LPGAT1: variants seen among roughly 807,000 people sequenced by gnomAD.
LPGAT1 encodes the protein lysophosphatidylglycerol acyltransferase 1.
LPGAT1 carries 11 observed loss-of-function variants against 47.5 expected under a neutral mutation model. The ratio of observed to expected loss-of-function variants is 0.23; its 90% CI spans 0.15 to 0.38. The LOEUF is 0.38. Ranked by LOEUF, LPGAT1 falls within the 10% of genes least tolerant of loss-of-function variation. The pLI is 1.00. For synonymous variants in LPGAT1, 138 were observed against 144.2 expected, an observed-to-expected ratio of 0.96 and a Z score of 0.31; for missense variants, 293 against 439.0, an observed-to-expected ratio of 0.67 and a Z score of 2.97.
intron 6 of LPGAT1, among the ~76,000 whole-genome samples, chr1:211,766,935 T>G (rs1484924080): frequency 2.6e-5 from 4 of 152,228 alleles, no homozygotes; most frequent in Admixed American, 2.6e-4. Context: ...AAAAAATTTC[T>G]TTCATGTATA....
intron 2 of LPGAT1, among the ~76,000 whole-genome samples, chr1:211,818,390 T>C (rs1660254690): frequency 6.6e-6 from 1 of 152,208 alleles, no homozygotes; most frequent in African/African-American, 2.4e-5. Context: ...ATCGTTACTA[T>C]GCAGGAACAA....
chr1:211,818,112 C>G (rs763900646), intron 2 of LPGAT1, among the ~76,000 whole-genome samples: 1 of 152,028 alleles, frequency 6.6e-6, no homozygotes, highest in Non-Finnish European at 1.5e-5. Flanking sequence ...TAGGATTACA[C>G]GCGTGAACCA....
In LPGAT1 at chr1:211,755,614, A is replaced by T. The variant is rs145639920; in HGVS notation, c.855-4547T>A. Among the ~76,000 whole-genome samples, 928 of 151,834 alleles carry T rather than the reference A, an allele frequency of 6.1e-3. 8 individuals carry two copies. The highest frequency in any genetic ancestry group is 0.021 in the African/African-American group (882 of 41,442). Reference sequence around the variant, plus strand: ...AAAATCTATTAAAAACCAATTTGAAAATCACACAGGGCTGGGCATGGTGTC... The same window carrying T: ...AAAATCTATTAAAAACCAATTTGAATATCACACAGGGCTGGGCATGGTGTC... On this transcript the variant is annotated intron_variant, in intron 6 of 7. Transcript: ENST00000366997.
intron 6 of LPGAT1, among the ~76,000 whole-genome samples, chr1:211,755,460 TATA>T (rs1488016848): frequency 3.3e-5 from 5 of 151,984 alleles, no homozygotes; most frequent in African/African-American, 1.2e-4. Flanking sequence ...TGAATTACAT[TATA>T]ATGATACCTC....
At chr1:211,826,490 T>G (rs1213295650) in intron 2 of LPGAT1, among the ~76,000 whole-genome samples, 1 of 152,172 alleles carries the variant, frequency 6.6e-6, no homozygotes, top group Non-Finnish European at 1.5e-5. Context: ...GTGGTTGGTG[T>G]GCCTGAGGAG....
rs1656887683 is a variant in LPGAT1 at position 211,744,995 on chromosome 1, TCAA to T, written c.*4901_*4903del. 6.6e-6 allele frequency: 1 copy of T among 152,562 alleles called. No homozygotes were observed. The highest frequency in any genetic ancestry group is 1.5e-5 in the Non-Finnish European group (1 of 68,026). 9.5% of individuals were successfully genotyped at this position (152,562 alleles called of 1,614,324 possible). ...TTAAAAGCACTTTAATTGAAAAAAATCAACTTTATTTTTTCTAGGTTTAAAAAA... is the reference window on the plus strand; with the variant it reads ...TTAAAAGCACTTTAATTGAAAAAAATCTTTATTTTTTCTAGGTTTAAAAAA... On this transcript the variant is annotated 3_prime_UTR_variant, in exon 8 of 8. Coordinates refer to ENST00000366997, the MANE Select transcript of LPGAT1 (RefSeq NM_014873.3).
intron 6 of LPGAT1, among the ~76,000 whole-genome samples, chr1:211,764,593 T>C (rs576417556): frequency 6.6e-6 from 1 of 152,328 alleles, no homozygotes; most frequent in African/African-American, 2.4e-5. Context: ...TAAGCCATTA[T>C]CCTGAGCTAA....
intron 7 of LPGAT1, among the ~76,000 whole-genome samples, 172 bp from the exon 8 acceptor site, chr1:211,750,222 CCTT>C (rs1433632085): frequency 5.3e-5 from 8 of 152,210 alleles, no homozygotes; most frequent in African/African-American, 1.9e-4. Context: ...CTACCTAGCC[CCTT>C]CTTGCCTCTG....
At chr1:211,755,709 A>G (rs1657414587) in intron 6 of LPGAT1, among the ~76,000 whole-genome samples, 1 of 152,010 alleles carries the variant, frequency 6.6e-6, no homozygotes, top group South Asian at 2.1e-4. Context: ...AAAAAAAAAA[A>G]AAGAACTCAC....
At chr1:211,807,106 C>T (rs2102580427) in intron 2 of LPGAT1, among the ~76,000 whole-genome samples, 1 of 152,182 alleles carries the variant, frequency 6.6e-6, no homozygotes, top group Non-Finnish European at 1.5e-5. Context: ...AGCTATCAAT[C>T]ATATTTATTT....
At chr1:211,761,795 T>C (rs12088743) in intron 6 of LPGAT1, among the ~76,000 whole-genome samples, 46,303 of 152,128 alleles carry the variant, frequency 0.3, 8,167 homozygotes, top group Non-Finnish European at 0.41. Context: ...AGACAACTTA[T>C]TGTTTCTAAC....
At chr1:211,771,368 C>T (rs574405002) in intron 6 of LPGAT1, among the ~76,000 whole-genome samples, 1 of 152,286 alleles carries the variant, frequency 6.6e-6, no homozygotes, top group Admixed American at 6.5e-5. Context: ...GTATCCCTGT[C>T]ATTAAGTGAC....
intron 6 of LPGAT1, among the ~76,000 whole-genome samples, chr1:211,778,070 C>T (rs1019365806): frequency 1.3e-5 from 2 of 152,152 alleles, no homozygotes; most frequent in African/African-American, 2.4e-5. Context: ...AGGCTGGGCG[C>T]GGTGGCTCAC....
intron 6 of LPGAT1, among the ~76,000 whole-genome samples, chr1:211,754,683 T>C (rs1657361510): frequency 6.6e-6 from 1 of 152,152 alleles, no homozygotes; most frequent in Non-Finnish European, 1.5e-5. Context: ...GTTAGTTCCT[T>C]ACTAGGGATT....
rs1241384047 is a variant in LPGAT1 at position 211,745,363 on chromosome 1, A to G, written c.*4536T>C. ...CTTAATAAAAATAATGGCAGTTGAA[A>G]GTATAACTGTCTCATCACCCGATCA... On this transcript the variant is annotated 3_prime_UTR_variant, in exon 8 of 8. Coordinates refer to ENST00000366997, the MANE Select transcript of LPGAT1 (RefSeq NM_014873.3). 6.6e-6 allele frequency: 1 copy of G among 152,262 alleles called. No homozygotes were observed. Among genetic ancestry groups the G allele is most frequent in the East Asian group, 1.9e-4 (1 of 5,204 alleles). 9.4% of individuals were successfully genotyped at this position (152,262 alleles called of 1,614,324 possible). A position where few individuals can be genotyped will look rare whatever the true frequency, so the allele number is the denominator to read the frequency against.
chr1:211,817,299 T>C (rs377739853), intron 2 of LPGAT1, among the ~76,000 whole-genome samples: 1 of 152,182 alleles, frequency 6.6e-6, no homozygotes, highest in Middle Eastern at 3.2e-3. Context: ...TCGCTGGGCA[T>C]GGTGGCTCAC....
At chr1:211,802,215 T>C (rs924663195) in intron 2 of LPGAT1, among the ~76,000 whole-genome samples, 3 of 151,842 alleles carry the variant, frequency 2.0e-5, no homozygotes, top group African/African-American at 7.3e-5. Context: ...AATGCTAACA[T>C]CAAATAAAAT....
chr1:211,809,702 C>A (rs1043274582), intron 2 of LPGAT1, among the ~76,000 whole-genome samples: 1 of 152,162 alleles, frequency 6.6e-6, no homozygotes, highest in Non-Finnish European at 1.5e-5. Context: ...CTCTTGCCTG[C>A]CGCCATGTAA....
At chr1:211,757,984 C>T (rs1206802646) in intron 6 of LPGAT1, among the ~76,000 whole-genome samples, 1 of 152,168 alleles carries the variant, frequency 6.6e-6, no homozygotes, top group Non-Finnish European at 1.5e-5. Context: ...TGAAATTCTA[C>T]AGAATTCAGC....
Sources: allele counts gnomAD v4.1 joint callset (sites outside exome capture counted in the v4.1 genomes callset), GRCh38; gene constraint gnomAD v4.1.1; transcripts MANE v1.5; gene names NCBI Gene and HGNC (gene_info 2026-07-23, HGNC 2026-07-21).